Variants in TYMS observed in about 807,000 individuals in gnomAD.
TYMS encodes thymidylate synthetase.
Under a neutral mutation model 39.3 loss-of-function variants are expected in TYMS, and 21 were observed. That is an observed-to-expected ratio of 0.54 (90% CI 0.38 to 0.77). The LOEUF (loss-of-function observed/expected upper bound fraction) is 0.77, where lower values mean the gene tolerates loss of function less well. Among genes scored for constraint, TYMS ranks in the 30% least tolerant of loss-of-function variants. The probability of loss-of-function intolerance (pLI) is 0.00; values close to 1 mark genes in which losing one functional copy is unlikely to be tolerated. For missense variants in TYMS, 273 were observed against 406.7 expected, an observed-to-expected ratio of 0.67 and a Z score of 2.83; for synonymous variants, 171 against 162.2, an observed-to-expected ratio of 1.05 and a Z score of -0.41.
In TYMS at chr18:672,988, G is replaced by T. The variant is rs764603167; in HGVS notation, c.933G>T (p.Met311Ile). The T allele has an allele frequency of 3.2e-6, 5 of 1,564,260 alleles. No homozygotes were observed. Among genetic ancestry groups the T allele is most frequent in the Non-Finnish European group, 4.4e-6 (5 of 1,142,138 alleles). ...CGCATCCAACTATTAAAATGGAAATGGCTGTTTAGGGTGCTTTCAAAGGAG... is the reference window on the plus strand; with the variant it reads ...CGCATCCAACTATTAAAATGGAAATTGCTGTTTAGGGTGCTTTCAAAGGAG... ...YNPHPTIKME[M>I]AV Residue 311 changes from methionine to isoleucine, a missense_variant, in exon 7 of 7, where the codon ATG becomes ATT. By Grantham distance (10) the Met-to-Ile change is conservative. Around this residue, in one of 3 missense-constraint regions of TYMS, gnomAD observed 35 missense variants for 42.4 expected, o/e 0.83. Coordinates refer to ENST00000323274, the MANE Select transcript of TYMS (RefSeq NM_001071.4).
intron 2 of TYMS, among the ~76,000 whole-genome samples, chr18:661,837 T>A (rs1001469524): frequency 5.9e-5 from 9 of 152,056 alleles, no homozygotes; most frequent in Non-Finnish European, 1.0e-4. Context: ...AATACAAAAT[T>A]AGCTGGGTGT....
chr18:662,059 G>C, intron 2 of TYMS, 87 bp from the exon 3 acceptor site: 1 of 1,398,798 alleles, frequency 7.1e-7, no homozygotes, highest in South Asian at 1.4e-5. Context: ...GGGGCCAGAG[G>C]CCCTTGTAAG....
rs553825542 is a variant in TYMS at position 660,302 on chromosome 18, TC to T, written c.279+589del. Among the ~76,000 whole-genome samples the T allele has an allele frequency of 2.7e-3, 415 of 152,248 alleles. 1 individual carries two copies. The highest frequency in any genetic ancestry group is 4.3e-3 in the Non-Finnish European group (292 of 68,010). On this transcript the variant is annotated intron_variant, in intron 2 of 6. Coordinates refer to ENST00000323274, the MANE Select transcript of TYMS (RefSeq NM_001071.4). The surrounding 1 kb of genome is among the most constrained non-coding windows in gnomAD (Gnocchi z 4.6). ...CCCACACTTGGCTTCTTCCTTTGAG[TC>T]TCTACTCCACTCGGGCAAGCCTTCC...
Position 666,077 on chromosome 18 carries a change from T to G in TYMS, c.455-2995T>G, listed in dbSNP as rs1383969257. Among the ~76,000 whole-genome samples the G allele has an allele frequency of 1.9e-5, 2 of 103,530 alleles. 1 individual carries two copies. The highest frequency in any genetic ancestry group is 1.7e-4 in the Admixed American group (2 of 12,084). The allele number at this position is 103,530 out of a possible 152,430, so 67.9% of individuals were successfully genotyped here. ...TCAATTCCTGGGTATCCTTGTTAAC[T>G]TTCTGTCTCGTTGATCTGTCTAATG... On this transcript the variant is annotated intron_variant, in intron 3 of 6. Transcript: ENST00000323274.
rs2074837810 is a variant in TYMS at position 666,947 on chromosome 18, ATGGT to A, written c.455-2124_455-2121del. On this transcript the variant is annotated intron_variant, in intron 3 of 6. Coordinates refer to ENST00000323274, the MANE Select transcript of TYMS (RefSeq NM_001071.4). ...GATGGTGATGGTGATGGAGATGGTG[ATGGT>A]GATGGAGATGGAGATGGTGATGGAG... Among the ~76,000 whole-genome samples, 6 of 32,688 alleles carry A rather than the reference ATGGT, an allele frequency of 1.8e-4. 1 individual carries two copies. The highest frequency in any genetic ancestry group is 4.5e-4 in the African/African-American group (4 of 8,842). The allele number at this position is 32,688 out of a possible 152,430, so 21.4% of individuals were successfully genotyped here. A position where few individuals can be genotyped will look rare whatever the true frequency, so the allele number is the denominator to read the frequency against.
At chr18:672,689 TG>T in intron 6 of TYMS, 170 bp from the exon 7 acceptor site, 1 of 595,962 alleles carries the variant, frequency 1.7e-6, no homozygotes, top group Non-Finnish European at 2.8e-6. Flanking sequence ...AGAGAACAGC[TG>T]GTTGCGCTCC....
chr18:667,457 T>C lies in TYMS; in HGVS notation c.455-1615T>C, dbSNP rs1434911168. Among the ~76,000 whole-genome samples, 2 of 844 alleles carry C rather than the reference T, an allele frequency of 2.4e-3. 1 individual carries two copies. The highest frequency in any genetic ancestry group is 0.012 in the African/African-American group (2 of 162). The allele number at this position is 844 out of a possible 152,430, so 0.6% of individuals were successfully genotyped here. Reference sequence around the variant, plus strand: ...ATGGTGATGGTGATGGTGATGGTGATGATGGAGATGGTGATGGTGATGGTG... The same window carrying C: ...ATGGTGATGGTGATGGTGATGGTGACGATGGAGATGGTGATGGTGATGGTG... On this transcript the variant is annotated intron_variant, in intron 3 of 6. Transcript: ENST00000323274.
chr18:667,571 A>AGATGGTGATGGAGATGGT lies in TYMS; in HGVS notation c.455-1490_455-1489insAGATGGTGATGGTGATGG, dbSNP rs2074880035. Reference sequence around the variant, plus strand: ...GTGATGGAGATGGTGATGGTGATGGAGATGGTGATGGTGATGGTGATGGTG... The same window carrying AGATGGTGATGGAGATGGT: ...GTGATGGAGATGGTGATGGTGATGGAGATGGTGATGGAGATGGTGATGGTGATGGTGATGGTGATGGTG... On this transcript the variant is annotated intron_variant, in intron 3 of 6. Coordinates refer to ENST00000323274, the MANE Select transcript of TYMS (RefSeq NM_001071.4). 12 of 27,964 alleles carry AGATGGTGATGGAGATGGT rather than the reference A, an allele frequency of 4.3e-4. 3 individuals are homozygous for AGATGGTGATGGAGATGGT. The highest frequency in any genetic ancestry group is 6.8e-4 in the Admixed American group (2 of 2,932). The allele number at this position is 27,964 out of a possible 1,614,324, so 1.7% of individuals were successfully genotyped here.
At position 673,461 on chromosome 18, in the gene TYMS, TTA is replaced by T. The variant is rs2075167085; in HGVS notation, c.*468_*469del. 2.3e-5 allele frequency: 5 copies of T among 214,752 alleles called. No individual in the cohort carries two copies. The highest frequency in any genetic ancestry group is 1.1e-4 in the African/African-American group (5 of 44,256). 13.3% of individuals were successfully genotyped at this position (214,752 alleles called of 1,614,324 possible). The stretch of plus-strand genomic sequence containing the variant: ...TATGAACTTTAAAGTTATAGTTGTT[TTA>T]TATGTTGCTATAATAAAGAAGTGTT... On this transcript the variant is annotated 3_prime_UTR_variant, in exon 7 of 7. Coordinates refer to ENST00000323274, the MANE Select transcript of TYMS (RefSeq NM_001071.4).
chr18:659,787 T>G, intron 2 of TYMS, 73 bp downstream of exon 2: 1 of 1,357,610 alleles, frequency 7.4e-7, no homozygotes, highest in Non-Finnish European at 1.1e-6. Flanking sequence ...CTTTCAAAAC[T>G]CAAAGCAGCC....
Position 660,867 on chromosome 18 carries a change from G to T in TYMS, c.279+1153G>T, listed in dbSNP as rs1164866624. On this transcript the variant is annotated intron_variant, in intron 2 of 6. Transcript: ENST00000323274. The surrounding 1 kb of genome is among the most constrained non-coding windows in gnomAD (Gnocchi z 4.6). ...ATAGAGCACTTGGTATGGCTTGTAT[G>T]GTCTTGGGGCAAGCCAGACCCAAGC... Among the ~76,000 whole-genome samples the T allele has an allele frequency of 6.6e-6, 1 of 152,128 alleles. No homozygotes were observed. The highest frequency in any genetic ancestry group is 1.5e-5 in the Non-Finnish European group (1 of 68,016).
Position 660,381 on chromosome 18 carries a change from C to A in TYMS, c.279+667C>A, listed in dbSNP as rs1415089046. 6.6e-6 allele frequency among the ~76,000 whole-genome samples: 1 copy of A among 152,210 alleles called. No homozygotes were observed. The highest frequency in any genetic ancestry group is 1.5e-5 in the Non-Finnish European group (1 of 68,044). Reference sequence around the variant, plus strand: ...CTCCCCCAACCTCCTTGGTGTTTCTCCATAGACGAACATCACCATCTGATG... The same window carrying A: ...CTCCCCCAACCTCCTTGGTGTTTCTACATAGACGAACATCACCATCTGATG... On this transcript the variant is annotated intron_variant, in intron 2 of 6. Transcript: ENST00000323274. This position sits in a 1 kb window ranked among gnomAD's most constrained non-coding sequence, Gnocchi z 4.6.
intron 4 of TYMS, 193 bp downstream of exon 4, chr18:669,366 ATTTTTTTT>A (rs68090938): frequency 1.0e-3 from 195 of 192,222 alleles, no homozygotes; most frequent in East Asian, 0.01. Flanking sequence ...GGCCCAGAGG[ATTTTTTTT>A]TTTTTTTTTT....
intron 2 of TYMS, among the ~76,000 whole-genome samples, chr18:661,473 G>A (rs1025836940): frequency 1.3e-5 from 2 of 152,180 alleles, no homozygotes; most frequent in African/African-American, 4.8e-5. Context: ...TTGCATGTAG[G>A]CATTAAATTC....
At chr18:666,921 A>ATGGTGATGGTGATGGT (rs2074832063) in intron 3 of TYMS, among the ~76,000 whole-genome samples, 1 of 33,482 alleles carries the variant, frequency 3.0e-5, no homozygotes, top group Non-Finnish European at 5.9e-5. Context: ...ATGGTGATGG[A>ATGGTGATGGTGATGGT]GATGGTGATG....
intron 5 of TYMS, 76 bp downstream of exon 5, chr18:670,943 T>G: frequency 6.6e-7 from 1 of 1,518,626 alleles, no homozygotes; most frequent in Non-Finnish European, 9.0e-7. Context: ...GGAAAACAAA[T>G]TGCAGAGTTT....
chr18:667,848 C>G (rs1598470684), intron 3 of TYMS: 1 of 152,014 alleles, frequency 6.6e-6, no homozygotes, highest in Non-Finnish European at 1.5e-5. Context: ...TAAATCCTGC[C>G]TAGTATTCAA....
At position 660,392 on chromosome 18, in the gene TYMS, C is replaced by T. The variant is rs1336376423; in HGVS notation, c.279+678C>T. 2.0e-5 allele frequency among the ~76,000 whole-genome samples: 3 copies of T among 152,206 alleles called. No individual in the cohort carries two copies. The highest frequency in any genetic ancestry group is 7.2e-5 in the African/African-American group (3 of 41,460). ...TCCTTGGTGTTTCTCCATAGACGAA[C>T]ATCACCATCTGATGTATGTCAGCCT... On this transcript the variant is annotated intron_variant, in intron 2 of 6. Transcript: ENST00000323274. This position sits in a 1 kb window ranked among gnomAD's most constrained non-coding sequence, Gnocchi z 4.6.
intron 4 of TYMS, chr18:669,443 G>T: frequency 3.3e-6 from 1 of 306,342 alleles, no homozygotes; most frequent in Non-Finnish European, 6.1e-6. Flanking sequence ...CGTGATCTTG[G>T]CTCACTGTAA....
Sources: allele counts gnomAD v4.1 joint callset (sites outside exome capture counted in the v4.1 genomes callset), GRCh38; gene constraint gnomAD v4.1.1; regional missense constraint gnomAD v4.1.1; non-coding constraint Gnocchi (gnomAD v3.1); transcripts MANE v1.5; gene names NCBI Gene and HGNC (gene_info 2026-07-23, HGNC 2026-07-21).